Variants in ZNF107 observed in about 807,000 individuals in gnomAD.
ZNF107 encodes the protein C2H2 type zinc-finger protein.
In ZNF107, 19 loss-of-function variants were observed where a neutral mutation model predicts 12.3. That is an observed-to-expected ratio of 1.55 (90% CI 1.08 to 2.27). The LOEUF is 2.27. Among genes scored for constraint, ZNF107 ranks in the 30% most tolerant of loss-of-function variants. ZNF107 has a pLI of 0.00. For missense variants in ZNF107, 958 were observed against 979.9 expected, an observed-to-expected ratio of 0.98 and a Z score of 0.30; for synonymous variants, 317 against 330.5, an observed-to-expected ratio of 0.96 and a Z score of 0.44.
chr7:64,704,490 C>T (rs574259231), intron 3 of ZNF107, among the ~76,000 whole-genome samples: 5 of 152,002 alleles, frequency 3.3e-5, no homozygotes, highest in East Asian at 1.9e-4. Flanking sequence ...GTGATCTGCC[C>T]GTCTCAGCCT....
At position 64,708,313 on chromosome 7, in the gene ZNF107, G is replaced by T. The variant is rs527730206; in HGVS notation, c.2216G>T (p.Gly739Val). ...GEKPYKCKECGKAFNLSSTLT... is the reference protein window; with the variant it reads ...GEKPYKCKECVKAFNLSSTLT... The stretch of plus-strand genomic sequence containing the variant: ...AAACCTTACAAATGTAAAGAATGTG[G>T]CAAAGCTTTTAACCTATCCTCAACC... Residue 739 changes from glycine to valine, a missense_variant, in exon 4 of 4, where the codon GGC becomes GTC. Gly to Val is a moderately radical substitution (Grantham distance 109). Coordinates refer to ENST00000620827, the MANE Select transcript of ZNF107 (RefSeq NM_001282359.2). 1 of 1,613,298 alleles carries T rather than the reference G, an allele frequency of 6.2e-7. No homozygotes were observed. The highest frequency in any genetic ancestry group is 1.1e-5 in the South Asian group (1 of 91,050).
At chr7:64,680,293 C>T (rs1789605595) in intron 1 of ZNF107, among the ~76,000 whole-genome samples, 1 of 152,136 alleles carries the variant, frequency 6.6e-6, no homozygotes, top group Admixed American at 6.5e-5. Flanking sequence ...CTAAATATAT[C>T]CAGGAATTTC....
chr7:64,673,118 A>G (rs1279702465), intron 1 of ZNF107, among the ~76,000 whole-genome samples: 1 of 152,190 alleles, frequency 6.6e-6, no homozygotes. Context: ...ATCTTGGCTC[A>G]CTGCAACCTC....
intron 2 of ZNF107, among the ~76,000 whole-genome samples, 154 bp downstream of exon 2, chr7:64,691,528 A>G (rs1281349347): frequency 1.3e-5 from 2 of 152,188 alleles, no homozygotes; most frequent in Non-Finnish European, 2.9e-5. Flanking sequence ...TGTAGAAAAT[A>G]ATTCCTTCAA....
intron 1 of ZNF107, chr7:64,689,213 A>C (rs1180621643): frequency 1.3e-5 from 2 of 152,184 alleles, no homozygotes; most frequent in African/African-American, 2.4e-5. Context: ...CCAAAAATGC[A>C]GAGGCAGGCT....
At chr7:64,666,556 C>T (rs999065122) in intron 1 of ZNF107, among the ~76,000 whole-genome samples, 1 of 152,172 alleles carries the variant, frequency 6.6e-6, no homozygotes, top group Non-Finnish European at 1.5e-5. Flanking sequence ...GGCCTGGAGC[C>T]CTCTCCGGGC....
intron 1 of ZNF107, chr7:64,679,102 T>G: frequency 1.6e-6 from 1 of 608,982 alleles, no homozygotes; most frequent in Non-Finnish European, 2.1e-6. Context: ...GCAGGCTTTG[T>G]GTGAGCAGTG....
chr7:64,699,956 A>G (rs1790415147), intron 3 of ZNF107, among the ~76,000 whole-genome samples: 1 of 147,368 alleles, frequency 6.8e-6, no homozygotes, highest in African/African-American at 2.5e-5. Flanking sequence ...AGTCCCAGCT[A>G]CTCGGGAGGC....
At chr7:64,696,272 C>T (rs1323025056) in intron 3 of ZNF107, among the ~76,000 whole-genome samples, 3 of 151,984 alleles carry the variant, frequency 2.0e-5, no homozygotes, top group Non-Finnish European at 4.4e-5. Flanking sequence ...AGGCTGGTCT[C>T]GAACTCCTGA....
chr7:64,687,363 C>T, intron 1 of ZNF107: 1 of 985,422 alleles, frequency 1.0e-6, no homozygotes, highest in Non-Finnish European at 1.2e-6. Context: ...AGGTGCAATT[C>T]TACCCAGGAG....
At chr7:64,688,619 A>C (rs917153248) in intron 1 of ZNF107, among the ~76,000 whole-genome samples, 2 of 152,122 alleles carry the variant, frequency 1.3e-5, no homozygotes, top group Non-Finnish European at 2.9e-5. Flanking sequence ...TACTGCACCC[A>C]TCCAGGAACT....
intron 2 of ZNF107, among the ~76,000 whole-genome samples, chr7:64,691,650 C>G (rs1216367025): frequency 6.6e-6 from 1 of 152,064 alleles, no homozygotes; most frequent in African/African-American, 2.4e-5. Context: ...TTGCCCACGC[C>G]TTAAAATCTA....
intron 1 of ZNF107, among the ~76,000 whole-genome samples, chr7:64,688,827 T>C (rs1045770054): frequency 1.3e-5 from 2 of 152,196 alleles, no homozygotes; most frequent in African/African-American, 4.8e-5. Context: ...AGGTATAAAT[T>C]AAACTAATAA....
chr7:64,687,078 C>G, intron 1 of ZNF107: 1 of 985,380 alleles, frequency 1.0e-6, no homozygotes. Context: ...CATATCTAAT[C>G]TGAGTTTTTT....
chr7:64,706,452 C>T lies in ZNF107; in HGVS notation c.355C>T (p.His119Tyr), dbSNP rs191917836. 9.3e-6 allele frequency: 15 copies of T among 1,613,476 alleles called. No homozygotes were observed. Among genetic ancestry groups the T allele is most frequent in the Middle Eastern group, 1.7e-4 (1 of 6,058 alleles). The change falls in exon 4 of 4, where the codon CAT becomes TAT. Residue 119 changes from histidine (H) to tyrosine (Y), a missense_variant. Physicochemically the swap from His to Tyr is moderately conservative, Grantham distance 83. Transcript: ENST00000620827. Reference protein sequence around the residue: ...ENLQLRKGCKHVDECTGHKGG... With the variant: ...ENLQLRKGCKYVDECTGHKGG... ...TTTACAGTTAAGAAAAGGCTGTAAACATGTGGATGAGTGTACGGGGCACAA... is the reference window on the plus strand; with the variant it reads ...TTTACAGTTAAGAAAAGGCTGTAAATATGTGGATGAGTGTACGGGGCACAA...
At position 64,707,088 on chromosome 7, in the gene ZNF107, C is replaced by T; in HGVS notation, c.991C>T (p.His331Tyr). 2 of 1,612,400 alleles carry T rather than the reference C, an allele frequency of 1.2e-6. No individual in the cohort carries two copies. Among genetic ancestry groups the T allele is most frequent in the Non-Finnish European group, 1.7e-6 (2 of 1,179,456 alleles). The change falls in exon 4 of 4, where the codon CAT becomes TAT. Residue 331 changes from histidine (H) to tyrosine (Y), a missense_variant. His to Tyr is a moderately conservative substitution (Grantham distance 83). Transcript: ENST00000620827. ...AFNLFSNLTN[H>Y]KRIHAGEKPY... ...TAACCTATTCTCAAATCTTACTAAC[C>T]ATAAGAGAATTCATGCTGGGGAGAA...
At position 64,666,152 on chromosome 7, in the gene ZNF107, G is replaced by C. The variant is rs1167765384; in HGVS notation, c.-131G>C. On this transcript the variant is annotated 5_prime_UTR_variant, in exon 1 of 4. Transcript: ENST00000620827. ...GGCGGGGCCTTTGTCTCTGGCTGCA[G>C]CCGGAGCTCCTGCTCTCCTCCTCAC... 3.2e-5 allele frequency: 41 copies of C among 1,285,016 alleles called. No homozygotes were observed. The highest frequency in any genetic ancestry group is 4.2e-5 in the Non-Finnish European group (38 of 906,100). 79.6% of individuals were successfully genotyped at this position (1,285,016 alleles called of 1,614,324 possible). A position where few individuals can be genotyped will look rare whatever the true frequency, so the allele number is the denominator to read the frequency against.
Position 64,708,135 on chromosome 7 carries a change from G to A in ZNF107, c.2038G>A (p.Glu680Lys), listed in dbSNP as rs1385540092. The A allele has an allele frequency of 1.2e-6, 2 of 1,611,672 alleles. No individual in the cohort carries two copies. Among genetic ancestry groups the A allele is most frequent in the Admixed American group, 1.7e-5 (1 of 59,458 alleles). The change falls in exon 4 of 4, where the codon GAA (glutamate) becomes AAA (lysine). Residue 680 changes from glutamate (E) to lysine (K), a missense_variant. Transcript: ENST00000620827. Reference protein sequence around the residue: ...IYTGEKPHKCEECGKAYNRFS... With the variant: ...IYTGEKPHKCKECGKAYNRFS... ...TACTGGAGAGAAACCCCACAAATGT[G>A]AAGAATGTGGAAAAGCTTATAACCG...
At chr7:64,703,397 T>G (rs1020683470) in intron 3 of ZNF107, among the ~76,000 whole-genome samples, 1 of 152,210 alleles carries the variant, frequency 6.6e-6, no homozygotes, top group African/African-American at 2.4e-5. Context: ...AAAATTCTCC[T>G]AATTTCAACA....
Sources: gnomAD v4.1 joint callset for allele counts (sites outside exome capture counted in the v4.1 genomes callset) on GRCh38, gnomAD v4.1.1 for gene constraint, MANE v1.5 for transcripts, NCBI Gene and HGNC (gene_info 2026-07-23, HGNC 2026-07-21) for gene names.